Variants in CDH3 observed in about 807,000 individuals in gnomAD.
The protein encoded by CDH3 is cadherin 3, also known as cadherin-3.
Under a neutral mutation model 82.0 loss-of-function variants are expected in CDH3, and 54 were observed. That is an observed-to-expected ratio of 0.66 (90% CI 0.53 to 0.83). The LOEUF is 0.83. CDH3 is among the 40% of genes least tolerant of loss of function. The pLI is 0.00. For missense variants in CDH3, 1,054 were observed against 1,084.6 expected (o/e 0.97, Z 0.40); for synonymous variants, 446 against 437.9 (o/e 1.02, Z -0.23).
At chr16:68,671,362 A>C (rs933514274) in intron 2 of CDH3, among the ~76,000 whole-genome samples, 1 of 151,488 alleles carries the variant, frequency 6.6e-6, no homozygotes, top group South Asian at 2.1e-4. Flanking sequence ...AATAACAGAA[A>C]TTTATTTTCT....
At position 68,687,571 on chromosome 16, in the gene CDH3, C is replaced by T. The variant is rs1405632689; in HGVS notation, c.1630C>T (p.His544Tyr). ...LLLTLIDVND[H>Y]GPVPEPRQIT... ...GCTAACACTGATTGATGTCAATGAC[C>T]ATGGCCCAGTCCCTGAGCCCCGTCA... Residue 544 changes from histidine (H) to tyrosine (Y), a missense_variant, in exon 12 of 16, where the codon CAT (histidine) becomes TAT (tyrosine). His to Tyr is a moderately conservative substitution (Grantham distance 83). Coordinates refer to ENST00000264012, the MANE Select transcript of CDH3 (RefSeq NM_001793.6). 2 of 1,614,100 alleles carry T rather than the reference C, an allele frequency of 1.2e-6. No homozygotes were observed. Among genetic ancestry groups the T allele is most frequent in the African/African-American group, 1.3e-5 (1 of 75,022 alleles).
rs1446296970 is a variant in CDH3 at position 68,678,289 on chromosome 16, C to T, written c.390+12C>T. ...AGAGACTGAATCAGGTACGACTGTG[C>T]CTTCTCCTGGGAAGCATTGGTGGCT... On this transcript the variant is annotated intron_variant, in intron 4 of 15. Coordinates refer to ENST00000264012, the MANE Select transcript of CDH3 (RefSeq NM_001793.6). The T allele has an allele frequency of 5.0e-6, 8 of 1,614,030 alleles. No individual in the cohort carries two copies. The highest frequency in any genetic ancestry group is 6.8e-6 in the Non-Finnish European group (8 of 1,179,898).
At chr16:68,696,863 C>T (rs917812087) in intron 15 of CDH3, 5 of 152,198 alleles carry the variant, frequency 3.3e-5, no homozygotes, top group Non-Finnish European at 7.3e-5. Flanking sequence ...ATACTACTCC[C>T]TGTCCTGTTT....
In CDH3 at chr16:68,690,876, T is replaced by C. The variant is rs956398995; in HGVS notation, c.1796-844T>C. ...GAGCTGAGATCACGCCACTGCTCTC[T>C]AGTCTGGGTGACAGAGCAAGACTTA... On this transcript the variant is annotated intron_variant, in intron 12 of 15. Transcript: ENST00000264012. Among the ~76,000 whole-genome samples the C allele has an allele frequency of 2.1e-4, 32 of 151,996 alleles. 1 individual carries two copies. The highest frequency in any genetic ancestry group is 3.2e-4 in the Non-Finnish European group (22 of 68,002).
chr16:68,695,452 T>A, intron 14 of CDH3, 67 bp downstream of exon 14: 1 of 1,510,158 alleles, frequency 6.6e-7, no homozygotes, highest in Non-Finnish European at 9.0e-7. Flanking sequence ...GGCTGTTGGG[T>A]CAACCAACTG....
chr16:68,682,414 G>C lies in CDH3; in HGVS notation c.1109G>C (p.Gly370Ala). The stretch of plus-strand genomic sequence containing the variant: ...TGGCGTGCCACCTACCTTATCATGG[G>C]CGGTGACGACGGGGACCATTTTACC... ...PAWRATYLIM[G>A]GDDGDHFTIT... Residue 370 changes from glycine to alanine, a missense_variant, in exon 9 of 16, where the codon GGC (glycine) becomes GCC (alanine). By Grantham distance (60) the Gly-to-Ala change is moderately conservative. Coordinates refer to ENST00000264012, the MANE Select transcript of CDH3 (RefSeq NM_001793.6). The C allele has an allele frequency of 6.2e-7, 1 of 1,614,102 alleles. No individual in the cohort carries two copies. Among genetic ancestry groups the C allele is most frequent in the Non-Finnish European group, 8.5e-7 (1 of 1,180,032 alleles).
chr16:68,674,207 T>C (rs2094069), intron 2 of CDH3, among the ~76,000 whole-genome samples: 60,276 of 151,978 alleles, frequency 0.4, 13,235 homozygotes, highest in East Asian at 0.62. Flanking sequence ...TGTTTTCTTT[T>C]TTTTCTTTTA....
chr16:68,717,096 A>G (rs1471430611), intron 1 of CDH3, among the ~76,000 whole-genome samples: 1 of 152,044 alleles, frequency 6.6e-6, no homozygotes, highest in Non-Finnish European at 1.5e-5. Flanking sequence ...CAAAATGTCA[A>G]TTGTGATTAT....
At chr16:68,702,779 C>T (rs1261061122), downstream of CDH3, among the ~76,000 whole-genome samples, 7 of 151,946 alleles carry the variant, frequency 4.6e-5, no homozygotes, top group Admixed American at 3.9e-4. Context: ...GGAGGAGAAT[C>T]GCTTGAGCCC....
rs561105903 is a variant in CDH3 at position 68,695,802 on chromosome 16, G to A, written c.2159G>A (p.Arg720Gln). The change falls in exon 15 of 16, where the codon CGA (arginine) becomes CAA (glutamine). Residue 720 changes from arginine (R) to glutamine (Q), a missense_variant. Transcript: ENST00000264012. ...GACTATGACATCACCCAGCTCCACC[G>A]AGGTCTGGAGGCCAGGCCGGAGGTG... The part of the protein sequence containing the change: ...DQDYDITQLH[R>Q]GLEARPEVVL... 20 of 1,614,102 alleles carry A rather than the reference G, an allele frequency of 1.2e-5. No homozygotes were observed. The highest frequency in any genetic ancestry group is 6.6e-5 in the South Asian group (6 of 91,086).
rs750399126 is a variant in CDH3, at chr16:68,698,360, A to G, written c.2450A>G (p.Lys817Arg). ...DYLNEWGSRFKKLADMYGGGE... is the reference protein window; with the variant it reads ...DYLNEWGSRFRKLADMYGGGE... Reference sequence around the variant, plus strand: ...CTGAACGAGTGGGGCAGCCGCTTCAAGAAGCTGGCAGACATGTACGGTGGC... The same window carrying G: ...CTGAACGAGTGGGGCAGCCGCTTCAGGAAGCTGGCAGACATGTACGGTGGC... Residue 817 changes from lysine (K) to arginine (R), a missense_variant, in exon 16 of 16, where the codon AAG (lysine) becomes AGG (arginine). Transcript: ENST00000264012. 2 of 1,614,236 alleles carry G rather than the reference A, an allele frequency of 1.2e-6. No homozygotes were observed. The highest frequency in any genetic ancestry group is 1.7e-5 in the Admixed American group (1 of 60,028).
At chr16:68,685,002 G>C (rs935612082) in intron 10 of CDH3, among the ~76,000 whole-genome samples, 178 bp downstream of exon 10, 3 of 152,198 alleles carry the variant, frequency 2.0e-5, no homozygotes, top group African/African-American at 7.2e-5. Flanking sequence ...TTTGGGGGCA[G>C]GTATTTCTCA....
chr16:68,645,575 G>C, intron 1 of CDH3, 61 bp from the exon 2 acceptor site: 1 of 1,461,530 alleles, frequency 6.8e-7, no homozygotes, highest in East Asian at 2.5e-5. Flanking sequence ...CTGCGGTGTG[G>C]GGAGTGCAGG....
chr16:68,718,931 T>G (rs1055700513), intron 1 of CDH3, among the ~76,000 whole-genome samples: 1 of 152,022 alleles, frequency 6.6e-6, no homozygotes, highest in African/African-American at 2.4e-5. Flanking sequence ...TATACAATAA[T>G]GGAAGACTAT....
chr16:68,733,741 C>G, the CDH3 span, among the ~76,000 whole-genome samples: 2 of 152,124 alleles, frequency 1.3e-5, no homozygotes, highest in African/African-American at 2.4e-5. Flanking sequence ...GACCTTGTCA[C>G]TAAATAAATA....
chr16:68,684,513 A>G, intron 9 of CDH3, 70 bp from the exon 10 acceptor site: 6 of 1,591,298 alleles, frequency 3.8e-6, no homozygotes, highest in South Asian at 1.1e-5. Flanking sequence ...TCCTTCTCAC[A>G]TCTCAACTGT....
At chr16:68,720,294 G>A (rs75158225) in intron 1 of CDH3, among the ~76,000 whole-genome samples, 2,435 of 151,978 alleles carry the variant, frequency 0.016, 26 homozygotes, top group Non-Finnish European at 0.022. Context: ...GAAAGAGAGC[G>A]TGAGATCTGT....
Position 68,687,504 on chromosome 16 carries a change from A to G in CDH3, c.1571-8A>G, listed in dbSNP as rs1961445781. ...CAGGGAGCTCATCATATGTGTCATT[A>G]CAAACAGGAAGCCCTCCCACCACTG... On this transcript the variant is annotated splice_region_variant and splice_polypyrimidine_tract_variant and intron_variant, in intron 11 of 15. Coordinates refer to ENST00000264012, the MANE Select transcript of CDH3 (RefSeq NM_001793.6). The G allele has an allele frequency of 1.9e-6, 3 of 1,612,784 alleles. No individual in the cohort carries two copies. Among genetic ancestry groups the G allele is most frequent in the Non-Finnish European group, 2.5e-6 (3 of 1,178,898 alleles).
chr16:68,695,880 C>T lies in CDH3; in HGVS notation c.2237C>T (p.Pro746Leu). ...ATCATCCCGACACCCATGTACCGTC[C>T]TCGGCCAGCCAACCCAGATGAAATC... ...PTIIPTPMYR[P>L]RPANPDEIGN... Residue 746 changes from proline to leucine, a missense_variant, in exon 15 of 16, where the codon CCT becomes CTT. Coordinates refer to ENST00000264012, the MANE Select transcript of CDH3 (RefSeq NM_001793.6). 1 of 1,614,166 alleles carries T rather than the reference C, an allele frequency of 6.2e-7. No individual in the cohort carries two copies.
Sources: allele counts gnomAD v4.1 joint callset (sites outside exome capture counted in the v4.1 genomes callset), GRCh38; gene constraint gnomAD v4.1.1; transcripts MANE v1.5; gene names NCBI Gene and HGNC (gene_info 2026-07-23, HGNC 2026-07-21).